Variants in RANBP2 observed in about 807,000 individuals in gnomAD.
RANBP2 encodes E3 SUMO-protein ligase RanBP2.
RANBP2 carries 57 observed loss-of-function variants against 303.6 expected under a neutral mutation model. That is an observed-to-expected ratio of 0.19 (90% CI 0.15 to 0.23). The LOEUF (loss-of-function observed/expected upper bound fraction) is 0.23, where lower values mean the gene tolerates loss of function less well. RANBP2 is among the 10% of genes least tolerant of loss of function. The pLI, the probability that RANBP2 is intolerant of heterozygous loss-of-function variation, is 1.00. For synonymous variants in RANBP2, 1,167 were observed against 1,301.5 expected, an observed-to-expected ratio of 0.90 and a Z score of 2.23; for missense variants, 3,138 against 3,780.8, an observed-to-expected ratio of 0.83 and a Z score of 4.46.
At chr2:109,164,489 T>A in the RANBP2 span, among the ~76,000 whole-genome samples, 1 of 152,340 alleles carries the variant, frequency 6.6e-6, no homozygotes, top group African/African-American at 2.4e-5. Flanking sequence ...TGGCCCTATT[T>A]AATTTTATTT....
intron 25 of RANBP2, among the ~76,000 whole-genome samples, chr2:108,778,309 A>C (rs565690143): frequency 2.3e-4 from 35 of 152,312 alleles, no homozygotes; most frequent in African/African-American, 8.4e-4. Flanking sequence ...ATTTTTATTC[A>C]CCAAGCTCTT....
chr2:108,763,563 G>A lies in RANBP2; in HGVS notation c.3024G>A (p.Gln1008=). The change falls in exon 20 of 29, where the codon CAG becomes CAA. Residue 1008 remains glutamine, a synonymous_variant. Coordinates refer to ENST00000283195, the MANE Select transcript of RANBP2 (RefSeq NM_006267.5). ...AATTTGGGAAAACTAATTTTGTTCA[G>A]CCCATGCCGGGTGAAGGATTAAGGC... ...TIEFGKTNFV[Q]PMPGEGLRPS... The A allele has an allele frequency of 6.2e-7, 1 of 1,614,106 alleles. No individual in the cohort carries two copies. Among genetic ancestry groups the A allele is most frequent in the South Asian group, 1.1e-5 (1 of 91,088 alleles).
the RANBP2 span, among the ~76,000 whole-genome samples, chr2:109,183,772 A>G: frequency 6.6e-6 from 1 of 152,210 alleles, no homozygotes; most frequent in South Asian, 2.1e-4. Context: ...GGAATTATTT[A>G]TACTCTTTAC....
chr2:109,073,885 G>A, the RANBP2 span, among the ~76,000 whole-genome samples: 1,247 of 150,582 alleles, frequency 8.3e-3, 34 homozygotes, highest in African/African-American at 0.028. Context: ...ATAAATATAT[G>A]TTATGTAAGC....
At chr2:108,869,547 G>T in the RANBP2 span, among the ~76,000 whole-genome samples, 2 of 152,246 alleles carry the variant, frequency 1.3e-5, no homozygotes, top group East Asian at 3.9e-4. Flanking sequence ...CATGAAAACT[G>T]CAGGGAGACT....
At chr2:108,875,280 T>C in the RANBP2 span, among the ~76,000 whole-genome samples, 1 of 147,960 alleles carries the variant, frequency 6.8e-6, no homozygotes, top group Non-Finnish European at 1.5e-5. Flanking sequence ...GTAACTAACC[T>C]GCACAATGTG....
chr2:108,773,849 A>G (rs1677687936), intron 23 of RANBP2, among the ~76,000 whole-genome samples: 1 of 152,132 alleles, frequency 6.6e-6, no homozygotes, highest in South Asian at 2.1e-4. Context: ...GGGTTTCACC[A>G]TGTTGACCAG....
chr2:109,549,656 TC>T, the RANBP2 span, among the ~76,000 whole-genome samples: 1 of 151,996 alleles, frequency 6.6e-6, no homozygotes, highest in Non-Finnish European at 1.5e-5. Flanking sequence ...GGTACGATAG[TC>T]CCCCCTTTTC....
chr2:109,748,011 C>CT, the RANBP2 span, among the ~76,000 whole-genome samples: 180 of 52,458 alleles, frequency 3.4e-3, no homozygotes, highest in African/African-American at 5.1e-3. Context: ...ACATTTATAC[C>CT]TTTTTTTTTT....
At chr2:108,992,457 GAC>G in the RANBP2 span, among the ~76,000 whole-genome samples, 1 of 152,234 alleles carries the variant, frequency 6.6e-6, no homozygotes, top group African/African-American at 2.4e-5. Context: ...GTTGGCTGGT[GAC>G]AGTTTCCTGC....
the RANBP2 span, among the ~76,000 whole-genome samples, chr2:109,589,736 C>CA: frequency 0.13 from 20,359 of 151,032 alleles, 1,847 homozygotes; most frequent in African/African-American, 0.26. Context: ...ATTATATAGC[C>CA]AAAAAAAACC....
At chr2:109,452,950 G>A in the RANBP2 span, among the ~76,000 whole-genome samples, 1 of 150,490 alleles carries the variant, frequency 6.6e-6, no homozygotes, top group South Asian at 2.1e-4. Context: ...GGTGCCGGGA[G>A]GCTGGTCCCT....
the RANBP2 span, among the ~76,000 whole-genome samples, chr2:108,838,870 G>C: frequency 1.3e-5 from 2 of 151,834 alleles, no homozygotes; most frequent in Non-Finnish European, 2.9e-5. Flanking sequence ...TATAAATCTA[G>C]GTTATCATTT....
At chr2:109,495,245 A>G in the RANBP2 span, among the ~76,000 whole-genome samples, 12,454 of 152,254 alleles carry the variant, frequency 0.082, 654 homozygotes, top group African/African-American at 0.14. Flanking sequence ...GCAAATGCAC[A>G]TGGCATCAGG....
the RANBP2 span, chr2:109,129,339 CCACGCAGGCCGG>C: frequency 4.8e-3 from 8 of 1,680 alleles, no homozygotes; most frequent in Non-Finnish European, 0.053. Context: ...CCGGTCCCCG[CCACGCAGGCCGG>C]TCCCCGCCAC....
At chr2:109,494,186 G>A in the RANBP2 span, among the ~76,000 whole-genome samples, 2 of 152,166 alleles carry the variant, frequency 1.3e-5, no homozygotes, top group African/African-American at 2.4e-5. Context: ...GAAAGACCCT[G>A]TTTCTATAAA....
chr2:109,597,793 T>G, the RANBP2 span, among the ~76,000 whole-genome samples: 1 of 152,194 alleles, frequency 6.6e-6, no homozygotes, highest in Non-Finnish European at 1.5e-5. Flanking sequence ...TGGAGGAAAG[T>G]CTGGTGCTGC....
At chr2:109,521,668 A>C in the RANBP2 span, among the ~76,000 whole-genome samples, 1 of 152,220 alleles carries the variant, frequency 6.6e-6, no homozygotes, top group Admixed American at 6.5e-5. Context: ...TTGATGATCA[A>C]AAGAAATTGC....
At chr2:109,524,467 C>CAAACA in the RANBP2 span, among the ~76,000 whole-genome samples, 1 of 105,810 alleles carries the variant, frequency 9.5e-6, no homozygotes, top group African/African-American at 4.9e-5. Flanking sequence ...AAAAAAAAAA[C>CAAACA]AAAACAACAC....
Sources: gnomAD v4.1 joint callset for allele counts (sites outside exome capture counted in the v4.1 genomes callset) on GRCh38, gnomAD v4.1.1 for gene constraint, MANE v1.5 for transcripts, NCBI Gene and HGNC (gene_info 2026-07-23, HGNC 2026-07-21) for gene names.